Variants in UCHL3 observed in about 807,000 individuals in gnomAD.
UCHL3 encodes ubiquitin carboxyl-terminal hydrolase isozyme L3.
Under a neutral mutation model 35.8 loss-of-function variants are expected in UCHL3, and 22 were observed. The ratio of observed to expected loss-of-function variants is 0.61; its 90% confidence interval spans 0.44 to 0.88. UCHL3 has a LOEUF of 0.88. UCHL3 is among the 40% of genes least tolerant of loss of function. UCHL3 has a pLI of 0.00. For synonymous variants in UCHL3, 90 were observed against 92.8 expected, an observed-to-expected ratio of 0.97 and a Z score of 0.17; for missense variants, 229 against 276.9, an observed-to-expected ratio of 0.83 and a Z score of 1.23.
chr13:75,596,479 T>C (rs1488187237), intron 7 of UCHL3, among the ~76,000 whole-genome samples: 3 of 152,120 alleles, frequency 2.0e-5, no homozygotes, highest in Non-Finnish European at 4.4e-5. Context: ...GAATTGTGAA[T>C]AGTAAATAAT....
intron 6 of UCHL3, among the ~76,000 whole-genome samples, chr13:75,586,443 C>T (rs1198426781): frequency 9.4e-6 from 1 of 106,884 alleles, no homozygotes; most frequent in Non-Finnish European, 2.4e-5. Context: ...GATGTCAACA[C>T]TCAGAATCAA....
At chr13:75,570,745 C>T in intron 6 of UCHL3, among the ~76,000 whole-genome samples, 1 of 152,128 alleles carries the variant, frequency 6.6e-6, no homozygotes, top group Non-Finnish European at 1.5e-5. Context: ...TCTGTCTCTA[C>T]AAAGAGTAAT....
intron 2 of UCHL3, among the ~76,000 whole-genome samples, chr13:75,559,283 A>G (rs9543975): frequency 0.99 from 150,432 of 151,860 alleles, 74,525 homozygotes; most frequent in Middle Eastern, 1. Flanking sequence ...CTCGTGATCC[A>G]CCCGCCTCGG....
intron 2 of UCHL3, among the ~76,000 whole-genome samples, chr13:75,552,371 T>A (rs2031142263): frequency 1.3e-5 from 2 of 152,198 alleles, no homozygotes; most frequent in African/African-American, 4.8e-5. Flanking sequence ...CCTAATGGAA[T>A]GGTAGGATCT....
chr13:75,588,326 T>A (rs773601791), intron 6 of UCHL3, among the ~76,000 whole-genome samples: 1 of 152,132 alleles, frequency 6.6e-6, no homozygotes, highest in Non-Finnish European at 1.5e-5. Context: ...ATTAGTCACC[T>A]CTCCTTCTAT....
At chr13:75,561,213 A>G (rs55927305) in intron 3 of UCHL3, among the ~76,000 whole-genome samples, 22,774 of 152,220 alleles carry the variant, frequency 0.15, 2,097 homozygotes, top group East Asian at 0.29. Context: ...GCTTATAGGC[A>G]TGAGCCACTG....
At chr13:75,582,734 T>C (rs1281771045) in intron 6 of UCHL3, among the ~76,000 whole-genome samples, 1 of 152,248 alleles carries the variant, frequency 6.6e-6, no homozygotes, top group East Asian at 1.9e-4. Flanking sequence ...TTTTCATATT[T>C]GAAAGCAGAG....
At chr13:75,562,969 G>A (rs1393708426) in intron 3 of UCHL3, among the ~76,000 whole-genome samples, 1 of 152,018 alleles carries the variant, frequency 6.6e-6, no homozygotes, top group Non-Finnish European at 1.5e-5. Flanking sequence ...CAGCTTATAG[G>A]TGATATATTG....
intron 6 of UCHL3, among the ~76,000 whole-genome samples, chr13:75,584,958 C>T (rs547842211): frequency 2.0e-5 from 3 of 150,078 alleles, no homozygotes; most frequent in Admixed American, 6.7e-5. Context: ...AAAAACCACA[C>T]AAAACAAACA....
chr13:75,569,472 A>G lies in UCHL3; in HGVS notation c.439A>G (p.Thr147Ala). ...YLENYDAIRV[T>A]HETSAHEGQT... ...ATTCTTATTACAGGCCATCCGAGTT[A>G]CTCATGAGACCAGTGCCCATGAAGG... The change falls in exon 6 of 9, where the codon ACT (threonine) becomes GCT (alanine). Residue 147 changes from threonine (T) to alanine (A), a missense_variant. By Grantham distance (58) the Thr-to-Ala change is moderately conservative (BLOSUM62 0). Coordinates refer to ENST00000377595, the MANE Select transcript of UCHL3 (RefSeq NM_006002.5). 6.2e-7 allele frequency: 1 copy of G among 1,609,228 alleles called. No homozygotes were observed. Among genetic ancestry groups the G allele is most frequent in the Non-Finnish European group, 8.5e-7 (1 of 1,178,380 alleles).
chr13:75,582,438 C>G (rs190000051), intron 6 of UCHL3, among the ~76,000 whole-genome samples: 5 of 152,128 alleles, frequency 3.3e-5, no homozygotes, highest in Non-Finnish European at 5.9e-5. Flanking sequence ...GCAGTGCCCA[C>G]ATAGTCAGCA....
chr13:75,571,117 T>C (rs1425662805), intron 6 of UCHL3, among the ~76,000 whole-genome samples: 2 of 152,218 alleles, frequency 1.3e-5, no homozygotes, highest in African/African-American at 4.8e-5. Flanking sequence ...CTTTGATTTT[T>C]TGTTTGCAAA....
rs1391864575 is a variant in UCHL3, at chr13:75,569,447, A to G, written c.427-13A>G. 1.9e-6 allele frequency: 3 copies of G among 1,602,500 alleles called. No homozygotes were observed. Among genetic ancestry groups the G allele is most frequent in the Non-Finnish European group, 2.6e-6 (3 of 1,176,138 alleles). On this transcript the variant is annotated splice_polypyrimidine_tract_variant and intron_variant, in intron 5 of 8. Coordinates refer to ENST00000377595, the MANE Select transcript of UCHL3 (RefSeq NM_006002.5). ...GGCATTTTTTCCAATGAATACCTTT[A>G]TTCTTATTACAGGCCATCCGAGTTA...
chr13:75,581,411 T>C (rs2032181463), intron 6 of UCHL3, among the ~76,000 whole-genome samples: 1 of 149,748 alleles, frequency 6.7e-6, no homozygotes, highest in Non-Finnish European at 1.5e-5. Context: ...GTGCAGTGGG[T>C]CGATCTTGGC....
chr13:75,591,822 T>C (rs2032484506), intron 6 of UCHL3, among the ~76,000 whole-genome samples: 1 of 152,118 alleles, frequency 6.6e-6, no homozygotes. Context: ...GTATCTCTTA[T>C]CCAAAATGCT....
intron 2 of UCHL3, among the ~76,000 whole-genome samples, chr13:75,551,771 A>G (rs529352795): frequency 2.4e-4 from 37 of 152,346 alleles, no homozygotes; most frequent in African/African-American, 8.9e-4. Context: ...CCTGTGATTC[A>G]GCTGCTAGTG....
chr13:75,567,913 A>G (rs1472971487), intron 5 of UCHL3, among the ~76,000 whole-genome samples: 1 of 152,158 alleles, frequency 6.6e-6, no homozygotes, highest in African/African-American at 2.4e-5. Flanking sequence ...CCTAAAATAA[A>G]TAAATATATA....
chr13:75,553,841 AC>A (rs1201554025), intron 2 of UCHL3, among the ~76,000 whole-genome samples: 3 of 152,066 alleles, frequency 2.0e-5, no homozygotes, highest in Non-Finnish European at 1.5e-5. Flanking sequence ...TCTGCTCTAA[AC>A]CCTTTTCTTC....
At chr13:75,568,757 T>C (rs2031766452) in intron 5 of UCHL3, among the ~76,000 whole-genome samples, 2 of 152,050 alleles carry the variant, frequency 1.3e-5, no homozygotes, top group Admixed American at 6.6e-5. Context: ...TATATAATTA[T>C]GTACAATTAT....
Sources: gnomAD v4.1 joint callset for allele counts (sites outside exome capture counted in the v4.1 genomes callset) on GRCh38, gnomAD v4.1.1 for gene constraint, MANE v1.5 for transcripts, NCBI Gene and HGNC (gene_info 2026-07-23, HGNC 2026-07-21) for gene names.